The following SPIN1 variants were observed in gnomAD, a reference collection of about 807,000 sequenced individuals.
SPIN1 encodes the protein spindlin 1.
Under a neutral mutation model 26.0 loss-of-function variants are expected in SPIN1, and 3 were observed. That is an observed-to-expected ratio of 0.12 (90% confidence interval 0.05 to 0.30). The LOEUF (loss-of-function observed/expected upper bound fraction) is 0.30, where lower values mean the gene tolerates loss of function less well. Among genes scored for constraint, SPIN1 ranks in the 10% least tolerant of loss-of-function variants. The pLI is 1.00. For missense variants in SPIN1, 126 were observed against 333.4 expected (o/e 0.38, Z 4.84); for synonymous variants, 101 against 116.5 (o/e 0.87, Z 0.86).
chr9:88,467,231 C>CT (rs1259192808), intron 4 of SPIN1, among the ~76,000 whole-genome samples: 1 of 152,108 alleles, frequency 6.6e-6, no homozygotes, highest in African/African-American at 2.4e-5. Flanking sequence ...GACCGTTAAT[C>CT]TATCATTTCA....
intron 2 of SPIN1, among the ~76,000 whole-genome samples, chr9:88,434,749 T>A (rs1312124278): frequency 6.6e-6 from 1 of 152,166 alleles, no homozygotes; most frequent in African/African-American, 2.4e-5. Flanking sequence ...TCTACTCTTC[T>A]GCTCTTACAG....
chr9:88,401,784 G>A (rs1005559726), intron 1 of SPIN1, among the ~76,000 whole-genome samples: 8 of 152,138 alleles, frequency 5.3e-5, no homozygotes, highest in Non-Finnish European at 4.4e-5. Context: ...AGCAAGTTGT[G>A]GAACTGTATG....
intron 1 of SPIN1, chr9:88,415,497 C>A (rs1827540646): frequency 6.6e-6 from 1 of 152,118 alleles, no homozygotes; most frequent in Non-Finnish European, 1.5e-5. Flanking sequence ...CTCACTGCAA[C>A]CTCTGTTTCC....
chr9:88,394,225 C>T (rs1040327881), intron 1 of SPIN1, among the ~76,000 whole-genome samples: 1 of 152,220 alleles, frequency 6.6e-6, no homozygotes, highest in African/African-American at 2.4e-5. Context: ...GTCCTTTCAA[C>T]CTGGTTCTCT....
chr9:88,397,842 G>A (rs897018478), intron 1 of SPIN1, among the ~76,000 whole-genome samples: 4 of 149,238 alleles, frequency 2.7e-5, no homozygotes, highest in African/African-American at 7.4e-5. Flanking sequence ...CAGACTGGTC[G>A]CCATCTCCTG....
rs139862173 is a variant in SPIN1, at chr9:88,400,702, C to T, written c.-159+12164C>T. ...CTCTACTAAAAATACAAAAATTAAGCGGATATCATGGCCCATGCCTTAATC... is the reference window on the plus strand; with the variant it reads ...CTCTACTAAAAATACAAAAATTAAGTGGATATCATGGCCCATGCCTTAATC... On this transcript the variant is annotated intron_variant, in intron 1 of 5. Transcript: ENST00000375859. Among the ~76,000 whole-genome samples the T allele has an allele frequency of 4.3e-3, 651 of 152,222 alleles. 4 individuals carry two copies. The highest frequency in any genetic ancestry group is 7.8e-3 in the Non-Finnish European group (528 of 68,008).
chr9:88,454,966 T>C (rs922209236), intron 3 of SPIN1, among the ~76,000 whole-genome samples: 3 of 152,210 alleles, frequency 2.0e-5, no homozygotes, highest in Non-Finnish European at 4.4e-5. Flanking sequence ...TTAAAGAAAT[T>C]GGACAGAAAT....
chr9:88,435,186 G>T (rs1384864716), intron 2 of SPIN1, among the ~76,000 whole-genome samples: 4 of 151,598 alleles, frequency 2.6e-5, no homozygotes, highest in Non-Finnish European at 5.9e-5. Context: ...GCCCTCCATC[G>T]ACTCTGTATT....
chr9:88,438,339 C>T (rs1012702267), intron 2 of SPIN1, among the ~76,000 whole-genome samples: 1 of 151,984 alleles, frequency 6.6e-6, no homozygotes, highest in African/African-American at 2.4e-5. Flanking sequence ...GTTCAATCTC[C>T]ATGTATTTTG....
At chr9:88,438,369 C>G (rs999165484) in intron 2 of SPIN1, among the ~76,000 whole-genome samples, 2 of 152,116 alleles carry the variant, frequency 1.3e-5, no homozygotes, top group Admixed American at 1.3e-4. Flanking sequence ...AGCCATCTCT[C>G]TGTTACTGAT....
chr9:88,392,824 A>G (rs1826960460), intron 1 of SPIN1, among the ~76,000 whole-genome samples: 2 of 152,182 alleles, frequency 1.3e-5, no homozygotes, highest in Non-Finnish European at 2.9e-5. Context: ...TGATGTCACC[A>G]CTGCCTACAC....
intron 3 of SPIN1, chr9:88,457,800 G>A (rs1828499702): frequency 1.0e-6 from 1 of 972,856 alleles, no homozygotes; most frequent in African/African-American, 1.8e-5. Context: ...GATGTATCTA[G>A]AAAGACAGAA....
At chr9:88,392,722 G>A (rs992730925) in intron 1 of SPIN1, among the ~76,000 whole-genome samples, 5 of 151,844 alleles carry the variant, frequency 3.3e-5, no homozygotes, top group African/African-American at 9.7e-5. Flanking sequence ...AGCAGGGGAC[G>A]AGAACACCTA....
chr9:88,410,647 C>T, intron 1 of SPIN1: 2 of 1,161,900 alleles, frequency 1.7e-6, no homozygotes, highest in Non-Finnish European at 2.6e-6. Flanking sequence ...AGAGCTTCTG[C>T]CTCCAAAGTT....
At position 88,402,267 on chromosome 9, in the gene SPIN1, G is replaced by A. The variant is rs567658921; in HGVS notation, c.-159+13729G>A. Among the ~76,000 whole-genome samples, 11 of 152,226 alleles carry A rather than the reference G, an allele frequency of 7.2e-5. No homozygotes were observed. In the East Asian group the frequency reaches 2.1e-3, roughly 29 times the overall value. On this transcript the variant is annotated intron_variant, in intron 1 of 5. Coordinates refer to ENST00000375859, the MANE Select transcript of SPIN1 (RefSeq NM_006717.3). ...CTCAGCCTCCCAAAGTGCTGGGATT[G>A]CAGGTGTGAACTACTGCGCCTCGTT...
chr9:88,435,051 CAA>C (rs34421426), intron 2 of SPIN1, among the ~76,000 whole-genome samples: 24 of 71,538 alleles, frequency 3.4e-4, no homozygotes, highest in Non-Finnish European at 2.7e-4. Flanking sequence ...GACTCCAGCT[CAA>C]AAAAAAAAAA....
chr9:88,474,077 A>G (rs1285314999), intron 5 of SPIN1, among the ~76,000 whole-genome samples: 1 of 152,178 alleles, frequency 6.6e-6, no homozygotes, highest in African/African-American at 2.4e-5. Flanking sequence ...ATACATGTAC[A>G]TTATATGGTC....
intron 5 of SPIN1, among the ~76,000 whole-genome samples, chr9:88,473,496 A>G (rs1052575088): frequency 5.3e-5 from 8 of 152,248 alleles, no homozygotes; most frequent in African/African-American, 1.9e-4. Flanking sequence ...CATTTCTCCA[A>G]CCTGTATGAG....
At chr9:88,424,762 T>C in intron 1 of SPIN1, among the ~76,000 whole-genome samples, 1 of 152,094 alleles carries the variant, frequency 6.6e-6, no homozygotes, top group South Asian at 2.1e-4. Flanking sequence ...ACTGTGAGAA[T>C]AGATGAAGTG....
Sources: gnomAD v4.1 joint callset for allele counts (sites outside exome capture counted in the v4.1 genomes callset) on GRCh38, gnomAD v4.1.1 for gene constraint, MANE v1.5 for transcripts, NCBI Gene and HGNC (gene_info 2026-07-23, HGNC 2026-07-21) for gene names.